Variants in SNAP47 observed in about 807,000 individuals in gnomAD.
SNAP47 encodes synaptosomal-associated protein 47.
SNAP47 carries 20 observed loss-of-function variants against 31.4 expected under a neutral mutation model. The ratio of observed to expected loss-of-function variants is 0.64; its 90% CI spans 0.45 to 0.93. The LOEUF (loss-of-function observed/expected upper bound fraction) is 0.93, where lower values mean the gene tolerates loss of function less well. SNAP47 is among the 40% of genes least tolerant of loss of function. The probability of loss-of-function intolerance (pLI) is 0.00; values close to 1 mark genes in which losing one functional copy is unlikely to be tolerated. For synonymous variants in SNAP47, 194 were observed against 213.4 expected (o/e 0.91, Z 0.79); for missense variants, 492 against 528.5 (o/e 0.93, Z 0.68).
intron 4 of SNAP47, among the ~76,000 whole-genome samples, chr1:227,775,297 T>C (rs535804205): frequency 1.3e-5 from 2 of 152,372 alleles, no homozygotes. Context: ...AGAACTATTT[T>C]GAGTTGTAGA....
chr1:227,755,595 C>T (rs749298143), intron 2 of SNAP47, among the ~76,000 whole-genome samples: 4 of 152,116 alleles, frequency 2.6e-5, no homozygotes, highest in African/African-American at 2.4e-5. Context: ...CCATGTTGGC[C>T]GGGCTGGTCT....
intron 1 of SNAP47, among the ~76,000 whole-genome samples, chr1:227,738,905 T>G (rs1435972205): frequency 6.6e-6 from 1 of 152,216 alleles, no homozygotes; most frequent in Non-Finnish European, 1.5e-5. Flanking sequence ...CTGAGATCAC[T>G]GAGCCCCTAG....
At position 227,762,961 on chromosome 1, in the gene SNAP47, A is replaced by G. The variant is rs1040978406; in HGVS notation, c.988+3476A>G. Reference sequence around the variant, plus strand: ...CAGTATTTTCTTTTTCTTTTTATTTATTTTTTTCTTTTAGAGACAGGGCCT... The same window carrying G: ...CAGTATTTTCTTTTTCTTTTTATTTGTTTTTTTCTTTTAGAGACAGGGCCT... On this transcript the variant is annotated intron_variant, in intron 3 of 4. Coordinates refer to ENST00000617596, the MANE Select transcript of SNAP47 (RefSeq NM_053052.4). The surrounding 1 kb of genome is among the most constrained non-coding windows in gnomAD (Gnocchi z 4.2). Among the ~76,000 whole-genome samples, 9 of 151,602 alleles carry G rather than the reference A, an allele frequency of 5.9e-5. No individual in the cohort carries two copies. The highest frequency in any genetic ancestry group is 1.9e-4 in the African/African-American group (8 of 41,308).
chr1:227,767,166 A>G, intron 4 of SNAP47, 83 bp downstream of exon 4: 1 of 1,561,846 alleles, frequency 6.4e-7, no homozygotes, highest in Non-Finnish European at 8.7e-7. Context: ...CTGATCACAA[A>G]CAAGCTCTGG....
chr1:227,761,284 C>T (rs550167322), intron 3 of SNAP47, among the ~76,000 whole-genome samples: 54 of 152,234 alleles, frequency 3.5e-4, no homozygotes, highest in Admixed American at 4.6e-4. Flanking sequence ...CTTCAAGTTT[C>T]GGAAAGAAAT....
chr1:227,744,514 A>T (rs1054778079), intron 1 of SNAP47, among the ~76,000 whole-genome samples: 1 of 152,070 alleles, frequency 6.6e-6, no homozygotes, highest in African/African-American at 2.4e-5. Context: ...ACTTTTGTAT[A>T]TATTGAGCAC....
chr1:227,742,178 C>G (rs1482398463), intron 1 of SNAP47, among the ~76,000 whole-genome samples: 2 of 152,124 alleles, frequency 1.3e-5, no homozygotes, highest in Non-Finnish European at 2.9e-5. Flanking sequence ...TATCCCTCCC[C>G]CCTGCCCCTA....
intron 4 of SNAP47, among the ~76,000 whole-genome samples, chr1:227,768,778 A>G (rs1663600349): frequency 1.3e-5 from 2 of 152,134 alleles, no homozygotes; most frequent in Admixed American, 6.5e-5. Context: ...CAATACTGTA[A>G]AGATAGACTT....
chr1:227,779,640 ATTC>A (rs1338262064), intron 4 of SNAP47, among the ~76,000 whole-genome samples: 1 of 152,162 alleles, frequency 6.6e-6, no homozygotes, highest in Non-Finnish European at 1.5e-5. Flanking sequence ...TTTCCAGTGT[ATTC>A]TTCTCCATTG....
At chr1:227,765,028 C>T (rs1663302040) in intron 3 of SNAP47, among the ~76,000 whole-genome samples, 1 of 151,740 alleles carries the variant, frequency 6.6e-6, no homozygotes, top group African/African-American at 2.4e-5. Flanking sequence ...AGGTGACATG[C>T]TATCTCTACA....
At chr1:227,753,055 C>T (rs1262710259) in intron 2 of SNAP47, among the ~76,000 whole-genome samples, 1 of 152,154 alleles carries the variant, frequency 6.6e-6, no homozygotes, top group Admixed American at 6.5e-5. Context: ...TTTTAATAAT[C>T]TGCAGACTCA....
At chr1:227,733,609 G>A (rs746368941), upstream of SNAP47, 4 of 1,605,638 alleles carry the variant, frequency 2.5e-6, no homozygotes, top group Admixed American at 3.4e-5. Context: ...GGGGGAAGAG[G>A]AGCCACTTCT....
At chr1:227,779,939 C>G (rs1050769889) in intron 4 of SNAP47, among the ~76,000 whole-genome samples, 1 of 152,188 alleles carries the variant, frequency 6.6e-6, no homozygotes, top group African/African-American at 2.4e-5. Flanking sequence ...CCCACACCCC[C>G]ACGGTGCTGG....
At chr1:227,773,435 C>T (rs914014023) in intron 4 of SNAP47, among the ~76,000 whole-genome samples, 18 of 152,110 alleles carry the variant, frequency 1.2e-4, no homozygotes, top group African/African-American at 3.9e-4. Context: ...TTGTAATATA[C>T]AAAAGTTACA....
intron 2 of SNAP47, among the ~76,000 whole-genome samples, chr1:227,751,825 G>A (rs1355089143): frequency 7.7e-6 from 1 of 129,562 alleles, no homozygotes; most frequent in Non-Finnish European, 1.5e-5. Flanking sequence ...GTGCAGTGGC[G>A]CGATCTCTGC....
chr1:227,737,817 A>G (rs1302373058), intron 1 of SNAP47, among the ~76,000 whole-genome samples: 1 of 151,836 alleles, frequency 6.6e-6, no homozygotes, highest in Non-Finnish European at 1.5e-5. Context: ...TGTTTTGGGG[A>G]TTGTGTGATT....
At chr1:227,729,156 G>C (rs969828968) in intron 1 of SNAP47, among the ~76,000 whole-genome samples, 1 of 152,248 alleles carries the variant, frequency 6.6e-6, no homozygotes, top group Non-Finnish European at 1.5e-5. Flanking sequence ...CCCAGCTCCA[G>C]CTGTTTTCCT....
upstream of SNAP47, chr1:227,731,851 C>CACCTGTCTCTTATACACATCTGACGCTG: frequency 6.2e-6 from 1 of 161,308 alleles, no homozygotes; most frequent in Non-Finnish European, 1.4e-5. Flanking sequence ...CCCAACCCAG[C>CACCTGTCTCTTATACACATCTGACGCTG]CCTCCACTCT....
intron 3 of SNAP47, 98 bp downstream of exon 3, chr1:227,759,583 A>G (rs1466836369): frequency 2.7e-6 from 4 of 1,488,952 alleles, no homozygotes; most frequent in African/African-American, 1.4e-5. Flanking sequence ...TGCGTCACCT[A>G]GAGCAGCTGC....
Sources: gnomAD v4.1 joint callset for allele counts (sites outside exome capture counted in the v4.1 genomes callset) on GRCh38, gnomAD v4.1.1 for gene constraint, Gnocchi (gnomAD v3.1) non-coding constraint, MANE v1.5 for transcripts, NCBI Gene and HGNC (gene_info 2026-07-23, HGNC 2026-07-21) for gene names.